ADAMTSL1: variants seen among roughly 807,000 people sequenced by gnomAD.
ADAMTSL1 encodes the protein ADAMTS like 1.
Under a neutral mutation model 201.8 loss-of-function variants are expected in ADAMTSL1, and 126 were observed. That is an observed-to-expected ratio of 0.62 (90% CI 0.54 to 0.72). ADAMTSL1 has a LOEUF of 0.72. ADAMTSL1 is among the 30% of genes least tolerant of loss of function. ADAMTSL1 has a pLI of 0.00. For missense variants in ADAMTSL1, 2,679 were observed against 2,277.8 expected, an observed-to-expected ratio of 1.18 and a Z score of -3.59; for synonymous variants, 1,121 against 903.4, an observed-to-expected ratio of 1.24 and a Z score of -4.32.
At chr9:18,576,445 G>C (rs1326225566) in intron 4 of ADAMTSL1, among the ~76,000 whole-genome samples, 1 of 152,158 alleles carries the variant, frequency 6.6e-6, no homozygotes, top group Non-Finnish European at 1.5e-5. Context: ...CATAGCTATA[G>C]AAATTTGTCA....
At chr9:18,757,016 T>A (rs537434582) in intron 16 of ADAMTSL1, among the ~76,000 whole-genome samples, 59 of 135,514 alleles carry the variant, frequency 4.4e-4, no homozygotes, top group Non-Finnish European at 7.6e-4. Context: ...GTTCAAGTAT[T>A]GATGTTAAGA....
intron 2 of ADAMTSL1, among the ~76,000 whole-genome samples, chr9:18,511,026 A>T (rs1817989501): frequency 6.6e-6 from 1 of 152,162 alleles, no homozygotes; most frequent in South Asian, 2.1e-4. Flanking sequence ...CCAAATGCAT[A>T]AGACAGTTAA....
chr9:18,802,419 A>G lies in ADAMTSL1; in HGVS notation c.3805+6895A>G, dbSNP rs148230463. Among the ~76,000 whole-genome samples the G allele has an allele frequency of 5.9e-5, 9 of 152,332 alleles. No individual in the cohort carries two copies. The South Asian group carries it at 1.7e-3, about 28-fold the overall frequency. On this transcript the variant is annotated intron_variant, in intron 20 of 28. Coordinates refer to ENST00000380548, the MANE Select transcript of ADAMTSL1 (RefSeq NM_001040272.6). ...CTCTATGCAACCACTAATATACTTT[A>G]AATCTCCATAAATCTACCTAATCTT...
intron 1 of ADAMTSL1, among the ~76,000 whole-genome samples, chr9:18,014,309 G>A (rs1820168424): frequency 6.6e-6 from 1 of 151,918 alleles, no homozygotes; most frequent in African/African-American, 2.4e-5. Context: ...AAAATTCAGA[G>A]GTTTCAACAA....
intron 16 of ADAMTSL1, among the ~76,000 whole-genome samples, chr9:18,768,176 T>C (rs1055809079): frequency 3.3e-5 from 5 of 152,150 alleles, no homozygotes; most frequent in Non-Finnish European, 5.9e-5. Flanking sequence ...CAAAGCCCAG[T>C]TGGGTGAAAG....
intron 23 of ADAMTSL1, among the ~76,000 whole-genome samples, chr9:18,840,160 T>G (rs1249807117): frequency 6.6e-6 from 1 of 150,690 alleles, no homozygotes; most frequent in Non-Finnish European, 1.5e-5. Context: ...AGGGTTTTTA[T>G]GGTTTTAGGT....
chr9:18,810,501 T>C (rs1823433694), intron 20 of ADAMTSL1, among the ~76,000 whole-genome samples: 1 of 152,242 alleles, frequency 6.6e-6, no homozygotes, highest in Admixed American at 6.5e-5. Flanking sequence ...AGGGCATTTC[T>C]GAATTAAGGT....
At chr9:18,299,011 C>CAAAAAAA (rs369246364) in intron 2 of ADAMTSL1, among the ~76,000 whole-genome samples, 1 of 138,296 alleles carries the variant, frequency 7.2e-6, no homozygotes, top group Admixed American at 7.2e-5. Flanking sequence ...GACTCCGTCT[C>CAAAAAAA]AAAAAAAAAA....
intron 1 of ADAMTSL1, among the ~76,000 whole-genome samples, chr9:18,045,357 G>C (rs1160728788): frequency 6.6e-6 from 1 of 152,112 alleles, no homozygotes. Flanking sequence ...GAGTTGGCAT[G>C]AGTGAGTGGG....
intron 2 of ADAMTSL1, among the ~76,000 whole-genome samples, chr9:18,403,728 A>G (rs919733179): frequency 7.2e-5 from 11 of 152,240 alleles, no homozygotes; most frequent in African/African-American, 2.6e-4. Flanking sequence ...TGTCTCCTCC[A>G]TCTCATATTT....
chr9:18,276,813 C>G (rs753127259), intron 2 of ADAMTSL1, among the ~76,000 whole-genome samples: 2 of 152,128 alleles, frequency 1.3e-5, no homozygotes, highest in Non-Finnish European at 2.9e-5. Context: ...GAGAATAGCA[C>G]CAAGCTATTC....
chr9:18,159,121 G>A (rs1363942474), intron 1 of ADAMTSL1, among the ~76,000 whole-genome samples: 4 of 151,990 alleles, frequency 2.6e-5, no homozygotes, highest in Non-Finnish European at 5.9e-5. Flanking sequence ...ACAGTGGCCA[G>A]TTACTTATAT....
intron 14 of ADAMTSL1, among the ~76,000 whole-genome samples, chr9:18,713,615 T>C (rs998581853): frequency 6.6e-6 from 1 of 150,596 alleles, no homozygotes; most frequent in Admixed American, 6.6e-5. Context: ...CTGAGTGACC[T>C]ACAAAGAGAC....
chr9:18,157,511 A>G (rs533009699), intron 1 of ADAMTSL1, among the ~76,000 whole-genome samples: 1 of 151,908 alleles, frequency 6.6e-6, no homozygotes, highest in Non-Finnish European at 1.5e-5. Context: ...CCTTGCCTCA[A>G]ACCATATTAT....
intron 20 of ADAMTSL1, among the ~76,000 whole-genome samples, chr9:18,808,949 A>C (rs532382186): frequency 7.6e-4 from 115 of 151,500 alleles, no homozygotes; most frequent in African/African-American, 2.7e-3. Flanking sequence ...GTTGTTATCC[A>C]AAAAATCCAG....
rs192902163 is a variant in ADAMTSL1, at chr9:18,338,363, G to C, written c.208-166466G>C. Among the ~76,000 whole-genome samples the C allele has an allele frequency of 6.3e-4, 96 of 152,080 alleles. 1 individual carries two copies. The highest frequency in any genetic ancestry group is 1.5e-3 in the Admixed American group (23 of 15,274). ...TGGGCTTCCTTCCTATTAGTGTCTG[G>C]TTTTCTATTTCCATTCAGGTTCCTA... On this transcript the variant is annotated intron_variant, in intron 2 of 29. Coordinates refer to the ADAMTSL1 transcript ENST00000680146.
At chr9:18,908,142 G>C (rs1170600150) in intron 28 of ADAMTSL1, 10 of 411,816 alleles carry the variant, frequency 2.4e-5, no homozygotes, top group Non-Finnish European at 4.5e-5. Context: ...CAAGAAGATA[G>C]AGAAAACAGG....
At chr9:18,582,815 C>A (rs1823191085) in intron 4 of ADAMTSL1, among the ~76,000 whole-genome samples, 1 of 151,010 alleles carries the variant, frequency 6.6e-6, no homozygotes, top group Non-Finnish European at 1.5e-5. Flanking sequence ...CACCACTGCA[C>A]TCCAGCCTGG....
At chr9:18,473,638 A>AAC (rs948912562), upstream of ADAMTSL1, among the ~76,000 whole-genome samples, 1 of 152,310 alleles carries the variant, frequency 6.6e-6, no homozygotes, top group Admixed American at 6.5e-5. Context: ...AGTTGTACAG[A>AAC]ACACATTTAC....
Sources: allele counts gnomAD v4.1 joint callset (sites outside exome capture counted in the v4.1 genomes callset), GRCh38; gene constraint gnomAD v4.1.1; transcripts MANE v1.5; gene names NCBI Gene and HGNC (gene_info 2026-07-23, HGNC 2026-07-21).